Variants in KPNA4 observed in about 807,000 individuals in gnomAD.
KPNA4 encodes the protein karyopherin subunit alpha 4, also known as importin subunit alpha-3.
KPNA4 carries 13 observed loss-of-function variants against 71.3 expected under a neutral mutation model. The ratio of observed to expected loss-of-function variants is 0.18; its 90% confidence interval spans 0.12 to 0.29. The LOEUF (loss-of-function observed/expected upper bound fraction) is 0.29. Ranked by LOEUF, KPNA4 falls within the 10% of genes least tolerant of loss-of-function variation. The pLI, the probability that KPNA4 is intolerant of heterozygous loss-of-function variation, is 1.00. For missense variants in KPNA4, 334 were observed against 603.2 expected (o/e 0.55, Z 4.67); for synonymous variants, 189 against 195.2 (o/e 0.97, Z 0.26).
Position 160,507,611 on chromosome 3 carries a change from A to G in KPNA4, c.1372+496T>C, listed in dbSNP as rs540493847. Among the ~76,000 whole-genome samples the G allele has an allele frequency of 1.2e-4, 18 of 151,656 alleles. No homozygotes were observed. The South Asian group carries it at 3.5e-3, about 30-fold the overall frequency. The stretch of plus-strand genomic sequence containing the variant: ...GTGATTCAGCAACACTGAACTACTT[A>G]TAATTTGCTGAATGCTATTTCTGAC... On this transcript the variant is annotated intron_variant, in intron 15 of 16. Coordinates refer to ENST00000334256, the MANE Select transcript of KPNA4 (RefSeq NM_002268.5).
Position 160,535,510 on chromosome 3 carries a change from T to C in KPNA4, c.287+3A>G. 1 of 1,592,768 alleles carries C rather than the reference T, an allele frequency of 6.3e-7. No homozygotes were observed. Among genetic ancestry groups the C allele is most frequent in the Non-Finnish European group, 8.6e-7 (1 of 1,168,318 alleles). On this transcript the variant is annotated splice_donor_region_variant and intron_variant, in intron 5 of 16. Transcript: ENST00000334256. ...CTAAACATGTCTTCCAAATTCAACT[T>C]ACCTAGCAGCTTGAACTGCACTTAA...
At chr3:160,510,399 G>T (rs1485119921) in intron 13 of KPNA4, among the ~76,000 whole-genome samples, 2 of 151,992 alleles carry the variant, frequency 1.3e-5, no homozygotes, top group African/African-American at 4.8e-5. Flanking sequence ...ATAAAGCAGA[G>T]TAATAATATC....
intron 6 of KPNA4, 145 bp downstream of exon 6, chr3:160,531,317 C>T: frequency 2.1e-6 from 1 of 478,472 alleles, no homozygotes; most frequent in Non-Finnish European, 3.7e-6. Flanking sequence ...GTTAACAAAC[C>T]TTGCACTGCT....
At chr3:160,504,676 T>TA (rs35338294) in intron 16 of KPNA4, among the ~76,000 whole-genome samples, 1 of 152,156 alleles carries the variant, frequency 6.6e-6, no homozygotes, top group Non-Finnish European at 1.5e-5. Flanking sequence ...TTAACAATTT[T>TA]AAAAAATGAG....
intron 5 of KPNA4, among the ~76,000 whole-genome samples, chr3:160,534,718 G>GAAAAA (rs544384718): frequency 4.1e-5 from 3 of 73,112 alleles, no homozygotes; most frequent in Admixed American, 1.7e-4. Flanking sequence ...CTCCATCTCA[G>GAAAAA]AAAAAAAAAA....
chr3:160,547,969 C>A, intron 1 of KPNA4, among the ~76,000 whole-genome samples: 1 of 152,292 alleles, frequency 6.6e-6, no homozygotes, highest in Non-Finnish European at 1.5e-5. Flanking sequence ...CTGAAGGACA[C>A]CTTAGTTGCT....
At position 160,565,570 on chromosome 3, in the gene KPNA4, C is replaced by T. The variant is rs1170257052; in HGVS notation, c.-288G>A. On this transcript the variant is annotated 5_prime_UTR_variant, in exon 1 of 17. Coordinates refer to ENST00000334256, the MANE Select transcript of KPNA4 (RefSeq NM_002268.5). ...GCTGAGAGGGGGAGGCAGCCTCGAT[C>T]TGAGGGCCCCGGCGCTGCGGCCACG... 4.1e-5 allele frequency: 21 copies of T among 514,914 alleles called. No homozygotes were observed. The East Asian group carries it at 4.4e-4, about 11-fold the overall frequency. The allele number at this position is 514,914 out of a possible 1,614,324, so 31.9% of individuals were successfully genotyped here.
intron 1 of KPNA4, among the ~76,000 whole-genome samples, chr3:160,541,786 T>C (rs1721804108): frequency 6.6e-6 from 1 of 151,768 alleles, no homozygotes; most frequent in South Asian, 2.1e-4. Flanking sequence ...GCATTAGAAA[T>C]ACAAAGATGG....
intron 1 of KPNA4, among the ~76,000 whole-genome samples, chr3:160,555,980 C>T (rs897806179): frequency 1.3e-4 from 20 of 152,180 alleles, no homozygotes; most frequent in African/African-American, 3.9e-4. Context: ...CACAGGCATG[C>T]GCCACCATGC....
At chr3:160,542,240 C>T (rs1721814656) in intron 1 of KPNA4, among the ~76,000 whole-genome samples, 1 of 152,128 alleles carries the variant, frequency 6.6e-6, no homozygotes, top group African/African-American at 2.4e-5. Flanking sequence ...GATTTCAACC[C>T]AAATTATCAT....
At chr3:160,530,501 A>G (rs1420088761) in intron 7 of KPNA4, among the ~76,000 whole-genome samples, 1 of 152,068 alleles carries the variant, frequency 6.6e-6, no homozygotes, top group East Asian at 1.9e-4. Context: ...AACAACAACA[A>G]AAAAACAAAA....
intron 1 of KPNA4, among the ~76,000 whole-genome samples, chr3:160,558,872 T>C (rs1722192252): frequency 6.6e-6 from 1 of 152,220 alleles, no homozygotes; most frequent in Non-Finnish European, 1.5e-5. Flanking sequence ...TGATTTCACA[T>C]CTAAAATTTG....
chr3:160,521,928 A>G lies in KPNA4; in HGVS notation c.772-18T>C, dbSNP rs772061497. ...ACCAGTATCTAATGAATAAAATAAA[A>G]ATTCAAACAACTTTTAAATATTTTC... On this transcript the variant is annotated intron_variant, in intron 10 of 16. Transcript: ENST00000334256. 2.5e-6 allele frequency: 4 copies of G among 1,583,020 alleles called. No homozygotes were observed. In the African/African-American group the frequency reaches 5.5e-5, roughly 22 times the overall value.
At chr3:160,540,624 G>C (rs147545824) in intron 1 of KPNA4, among the ~76,000 whole-genome samples, 1 of 152,180 alleles carries the variant, frequency 6.6e-6, no homozygotes, top group East Asian at 1.9e-4. Context: ...CCATGAAAGG[G>C]ATATATAAGA....
intron 1 of KPNA4, among the ~76,000 whole-genome samples, chr3:160,558,988 T>C (rs1377506645): frequency 2.0e-5 from 3 of 152,198 alleles, no homozygotes; most frequent in Non-Finnish European, 4.4e-5. Flanking sequence ...GAAGATTACA[T>C]ATAAGCCACT....
At chr3:160,513,580 G>A (rs62272788) in intron 13 of KPNA4, among the ~76,000 whole-genome samples, 6,276 of 152,084 alleles carry the variant, frequency 0.041, 215 homozygotes, top group Middle Eastern at 0.078. Context: ...CTGTAATTGC[G>A]ATAAACTGTT....
chr3:160,497,357 A>G lies in KPNA4; in HGVS notation c.*4747T>C, dbSNP rs1278508942. On this transcript the variant is annotated 3_prime_UTR_variant, in exon 17 of 17. Coordinates refer to ENST00000334256, the MANE Select transcript of KPNA4 (RefSeq NM_002268.5). ...AACCCTTGAGGCAGAGGTTGCAGTG[A>G]GCCGAGATTGCGCCACTACACTCCA... 6.6e-6 allele frequency: 1 copy of G among 152,298 alleles called. No individual in the cohort carries two copies. The highest frequency in any genetic ancestry group is 1.5e-5 in the Non-Finnish European group (1 of 68,090). The allele number at this position is 152,298 out of a possible 1,614,324, so 9.4% of individuals were successfully genotyped here.
At chr3:160,548,359 C>A (rs931944840) in intron 1 of KPNA4, among the ~76,000 whole-genome samples, 1 of 152,118 alleles carries the variant, frequency 6.6e-6, no homozygotes, top group African/African-American at 2.4e-5. Flanking sequence ...AAAGTGAGTT[C>A]GGCAGCATTA....
intron 16 of KPNA4, 80 bp from the exon 17 acceptor site, chr3:160,502,282 C>T (rs539589018): frequency 1.3e-5 from 8 of 596,968 alleles, no homozygotes; most frequent in African/African-American, 3.9e-5. Flanking sequence ...AATCCCATTA[C>T]CCTTAAAAAA....
Sources: gnomAD v4.1 joint callset for allele counts (sites outside exome capture counted in the v4.1 genomes callset) on GRCh38, gnomAD v4.1.1 for gene constraint, MANE v1.5 for transcripts, NCBI Gene and HGNC (gene_info 2026-07-23, HGNC 2026-07-21) for gene names.